The following USP6NL variants were observed in gnomAD, a reference collection of about 807,000 sequenced individuals.
USP6NL encodes USP6 N-terminal like.
A neutral mutation model predicts 61.9 loss-of-function variants in USP6NL; 26 were observed. That is an observed-to-expected ratio of 0.42 (90% confidence interval 0.31 to 0.58). USP6NL has a LOEUF of 0.58. USP6NL is among the 20% of genes least tolerant of loss of function. The pLI, the probability that USP6NL is intolerant of heterozygous loss-of-function variation, is 0.16. For missense variants in USP6NL, 1,114 were observed against 1,034.3 expected, an observed-to-expected ratio of 1.08 and a Z score of -1.06; for synonymous variants, 432 against 390.1, an observed-to-expected ratio of 1.11 and a Z score of -1.27.
rs1157128340 is a variant in USP6NL, at chr10:11,596,467, A to G, written c.4+1164T>C. Among the ~76,000 whole-genome samples, 1 of 151,556 alleles carries G rather than the reference A, an allele frequency of 6.6e-6. No homozygotes were observed. The highest frequency in any genetic ancestry group is 2.4e-5 in the African/African-American group (1 of 41,258). On this transcript the variant is annotated intron_variant, in intron 2 of 14. Transcript: ENST00000609104. The surrounding 1 kb of genome is among the most constrained non-coding windows in gnomAD (Gnocchi z 4.1). ...AAACCCCGTCTCTACTAAAAATACA[A>G]AAAAAAATTAGCTGGGCCTGGTGGC...
intron 14 of USP6NL, among the ~76,000 whole-genome samples, chr10:11,471,216 CA>C (rs1283954100): frequency 6.6e-6 from 1 of 151,918 alleles, no homozygotes; most frequent in African/African-American, 2.4e-5. Context: ...AAAACACCAC[CA>C]ACAACAAAAA....
intron 6 of USP6NL, among the ~76,000 whole-genome samples, chr10:11,506,710 G>A (rs1401341888): frequency 1.3e-5 from 2 of 149,338 alleles, no homozygotes; most frequent in African/African-American, 4.9e-5. Flanking sequence ...TGAGAACAGA[G>A]GCAACACAAA....
At chr10:11,493,365 T>C (rs1457877614) in intron 7 of USP6NL, 137 bp from the exon 8 acceptor site, 7 of 698,476 alleles carry the variant, frequency 1.0e-5, no homozygotes, top group Non-Finnish European at 1.6e-5. Context: ...CAAAACTATA[T>C]ATACAAAAAG....
At chr10:11,527,605 G>C (rs1299405152) in intron 2 of USP6NL, 38 bp from the exon 3 acceptor site, 1 of 1,548,960 alleles carries the variant, frequency 6.5e-7, no homozygotes, top group South Asian at 1.2e-5. Context: ...AATTGTCATT[G>C]AAAGAATCGT....
rs1833203001 is a variant in USP6NL at position 11,481,622 on chromosome 10, A to C, written c.1078+148T>G. The C allele has an allele frequency of 2.5e-6, 2 of 800,120 alleles. No homozygotes were observed. The highest frequency in any genetic ancestry group is 3.1e-5 in the East Asian group (1 of 31,898). The allele number at this position is 800,120 out of a possible 1,614,324, so 49.6% of individuals were successfully genotyped here. On this transcript the variant is annotated intron_variant, in intron 14 of 14. Transcript: ENST00000609104. The surrounding 1 kb of genome is among the most constrained non-coding windows in gnomAD (Gnocchi z 4.4). Reference sequence around the variant, plus strand: ...TTTCCCTAAAATAAGGAAAAAGCCAAAGCAGCTGAGCTGGTAAGGCATTCA... The same window carrying C: ...TTTCCCTAAAATAAGGAAAAAGCCACAGCAGCTGAGCTGGTAAGGCATTCA...
chr10:11,546,410 T>C (rs1464897896), intron 2 of USP6NL, among the ~76,000 whole-genome samples: 1 of 151,930 alleles, frequency 6.6e-6, no homozygotes, highest in Non-Finnish European at 1.5e-5. Flanking sequence ...TTTTCTTTAT[T>C]TTATTTTTTC....
rs1838158118 is a variant in USP6NL, at chr10:11,591,530, T to C, written c.4+6101A>G. On this transcript the variant is annotated intron_variant, in intron 2 of 14. Coordinates refer to ENST00000609104, the MANE Select transcript of USP6NL (RefSeq NM_014688.5). The surrounding 1 kb of genome is among the most constrained non-coding windows in gnomAD (Gnocchi z 4.7). ...GCTTATACTACTATAGTAATTTACA[T>C]TTATGCAAAAAATTAAATCACCAAA... 6.6e-6 allele frequency among the ~76,000 whole-genome samples: 1 copy of C among 152,090 alleles called. No individual in the cohort carries two copies. Among genetic ancestry groups the C allele is most frequent in the South Asian group, 2.1e-4 (1 of 4,836 alleles).
Position 11,580,703 on chromosome 10 carries a change from C to T in USP6NL, c.4+16928G>A, listed in dbSNP as rs79337904. Among the ~76,000 whole-genome samples the T allele has an allele frequency of 4.4e-3, 665 of 152,280 alleles. 7 individuals are homozygous for T. The highest frequency in any genetic ancestry group is 0.022 in the East Asian group (113 of 5,188). On this transcript the variant is annotated intron_variant, in intron 2 of 14. Transcript: ENST00000609104. ...AAGTTTAAAAGCTCCCCTAAATGAT[C>T]CTAACCTTCAGCCATGGTTCAGAAC...
At chr10:11,588,615 A>C (rs1588415264) in intron 2 of USP6NL, among the ~76,000 whole-genome samples, 2 of 152,104 alleles carry the variant, frequency 1.3e-5, no homozygotes, top group East Asian at 3.9e-4. Flanking sequence ...CTAATGAAAG[A>C]AAAAAAATAA....
chr10:11,513,969 G>A lies in USP6NL; in HGVS notation c.196-4294C>T, dbSNP rs1819426671. On this transcript the variant is annotated intron_variant, in intron 5 of 14. Transcript: ENST00000609104. This position sits in a 1 kb window ranked among gnomAD's most constrained non-coding sequence, Gnocchi z 4.7. The stretch of plus-strand genomic sequence containing the variant: ...GTGTGATTGGCTCCTCTGGATTTCA[G>A]CAGGATTATCACCCCATTATGTTGT... Among the ~76,000 whole-genome samples, 1 of 152,182 alleles carries A rather than the reference G, an allele frequency of 6.6e-6. No homozygotes were observed. The highest frequency in any genetic ancestry group is 2.1e-4 in the South Asian group (1 of 4,822).
chr10:11,511,744 CACACAT>C lies in USP6NL; in HGVS notation c.196-2075_196-2070del, dbSNP rs1405036229. Among the ~76,000 whole-genome samples, 1 of 151,960 alleles carries C rather than the reference CACACAT, an allele frequency of 6.6e-6. No individual in the cohort carries two copies. Among genetic ancestry groups the C allele is most frequent in the African/African-American group, 2.4e-5 (1 of 41,368 alleles). On this transcript the variant is annotated intron_variant, in intron 5 of 14. Transcript: ENST00000609104. The surrounding 1 kb of genome is among the most constrained non-coding windows in gnomAD (Gnocchi z 4.9). Reference sequence around the variant, plus strand: ...ATTCCCACGCTGCAAGAACAAAACACACACATACACATACAAAAAAAATTAAGGATC... The same window carrying C: ...ATTCCCACGCTGCAAGAACAAAACACACACATACAAAAAAAATTAAGGATC...
rs11257122 is a variant in USP6NL, at chr10:11,482,900, G to C, written c.926-978C>G. On this transcript the variant is annotated intron_variant, in intron 13 of 14. Coordinates refer to ENST00000609104, the MANE Select transcript of USP6NL (RefSeq NM_014688.5). This position sits in a 1 kb window ranked among gnomAD's most constrained non-coding sequence, Gnocchi z 4.0. Reference sequence around the variant, plus strand: ...TGACAAATTGTATATATCTGTGGTAGACAATGTTTTGATATATGTATACAC... The same window carrying C: ...TGACAAATTGTATATATCTGTGGTACACAATGTTTTGATATATGTATACAC... 0.23 allele frequency among the ~76,000 whole-genome samples: 34,342 copies of C among 152,002 alleles called. 4,484 individuals carry two copies. Among genetic ancestry groups the C allele is most frequent in the East Asian group, 0.59 (3,058 of 5,178 alleles).
rs1424109325 is a variant in USP6NL at position 11,470,997 on chromosome 10, A to T, written c.1079-7148T>A. On this transcript the variant is annotated intron_variant, in intron 14 of 14. Transcript: ENST00000609104. The surrounding 1 kb of genome is among the most constrained non-coding windows in gnomAD (Gnocchi z 5.4). ...TCAGGAGATGGAGACCATCCCGGCC[A>T]ACATGGTGAAACCCAGTCTCTACTA... Among the ~76,000 whole-genome samples, 1 of 152,186 alleles carries T rather than the reference A, an allele frequency of 6.6e-6. No individual in the cohort carries two copies. Among genetic ancestry groups the T allele is most frequent in the Admixed American group, 6.5e-5 (1 of 15,278 alleles).
Position 11,462,512 on chromosome 10 carries a change from C to T in USP6NL, c.2416G>A (p.Gly806Arg). 6.2e-7 allele frequency: 1 copy of T among 1,613,980 alleles called. No individual in the cohort carries two copies. Among genetic ancestry groups the T allele is most frequent in the African/African-American group, 1.3e-5 (1 of 75,020 alleles). The change falls in exon 15 of 15, where the codon GGG becomes AGG. Residue 806 changes from glycine (G) to arginine (R), a missense_variant. Coordinates refer to ENST00000609104, the MANE Select transcript of USP6NL (RefSeq NM_014688.5). ...TAGTGGTAGGCTGGAGGCGGGGGCC[C>T]TGAATATGGATATCCAGATGGACTG... ...DASPSGYPYS[G>R]PPPPAYHYRN... is the part of the protein sequence containing the mutation.
intron 6 of USP6NL, among the ~76,000 whole-genome samples, chr10:11,505,671 T>A (rs1026069697): frequency 6.6e-6 from 1 of 152,204 alleles, no homozygotes; most frequent in Admixed American, 6.5e-5. Flanking sequence ...TTTAAAAATC[T>A]ATGGACTTAA....
At chr10:11,524,026 T>C (rs1253054989) in intron 4 of USP6NL, among the ~76,000 whole-genome samples, 1 of 152,216 alleles carries the variant, frequency 6.6e-6, no homozygotes, top group Non-Finnish European at 1.5e-5. Context: ...AAATATGCAA[T>C]CATTTCTTGT....
chr10:11,593,713 A>G (rs904738536), intron 2 of USP6NL, among the ~76,000 whole-genome samples: 15 of 152,236 alleles, frequency 9.9e-5, no homozygotes, highest in Non-Finnish European at 1.9e-4. Context: ...CCACCAGAAT[A>G]AAAGCGGAAA....
chr10:11,587,834 C>G lies in USP6NL; in HGVS notation c.4+9797G>C, dbSNP rs765996435. The stretch of plus-strand genomic sequence containing the variant: ...CATATTCTAGAAAATATTTCATTGT[C>G]AATTTTTTCTCAAGACTTTGTAATA... On this transcript the variant is annotated intron_variant, in intron 2 of 14. Transcript: ENST00000609104. This position sits in a 1 kb window ranked among gnomAD's most constrained non-coding sequence, Gnocchi z 4.5. 1.3e-5 allele frequency among the ~76,000 whole-genome samples: 2 copies of G among 152,144 alleles called. No homozygotes were observed. Among genetic ancestry groups the G allele is most frequent in the Non-Finnish European group, 2.9e-5 (2 of 68,008 alleles).
chr10:11,526,221 C>A (rs1211362782), intron 3 of USP6NL, among the ~76,000 whole-genome samples: 1 of 152,212 alleles, frequency 6.6e-6, no homozygotes, highest in Non-Finnish European at 1.5e-5. Flanking sequence ...TTAACTAACA[C>A]TGATCAGTGA....
Sources: allele counts gnomAD v4.1 joint callset (sites outside exome capture counted in the v4.1 genomes callset), GRCh38; gene constraint gnomAD v4.1.1; non-coding constraint Gnocchi (gnomAD v3.1); transcripts MANE v1.5; gene names NCBI Gene and HGNC (gene_info 2026-07-23, HGNC 2026-07-21).